The following ZNF711 variants were observed in gnomAD, a reference collection of about 807,000 sequenced individuals.
The protein encoded by ZNF711 is ZFX family zinc finger ZNF711.
In ZNF711, 3 loss-of-function variants were observed where a neutral mutation model predicts 43.5. That is an observed-to-expected ratio of 0.07 (90% CI 0.03 to 0.18). The LOEUF (loss-of-function observed/expected upper bound fraction) is 0.18. Ranked by LOEUF, ZNF711 falls within the 10% of genes least tolerant of loss-of-function variation. The pLI is 1.00. For synonymous variants in ZNF711, 209 were observed against 207.7 expected, an observed-to-expected ratio of 1.01 and a Z score of -0.06; for missense variants, 412 against 604.0, an observed-to-expected ratio of 0.68 and a Z score of 3.33.
intron 5 of ZNF711, among the ~76,000 whole-genome samples, chrX:85,257,105 T>A (rs73627343): frequency 0.019 from 2,110 of 112,208 alleles, 46 homozygotes; most frequent in African/African-American, 0.065. Flanking sequence ...AAAAGTTTTT[T>A]AAAAAAGTTT....
Position 85,264,185 on chromosome X carries a change from A to G in ZNF711, c.623-90A>G. ...TTATTTCACGTTACACTTCAGCTTA[A>G]CACCCACTAAATAGTGGTAATTTTT... On this transcript the variant is annotated intron_variant, in intron 5 of 10. Transcript: ENST00000674551. The G allele has an allele frequency of 4.2e-6, 3 of 708,008 alleles. No individual in the cohort carries two copies. In the Admixed American group the frequency reaches 7.8e-5, roughly 18 times the overall value. 58.3% of individuals were successfully genotyped at this position (708,008 alleles called of 1,213,427 possible).
intron 5 of ZNF711, among the ~76,000 whole-genome samples, chrX:85,260,330 A>G (rs1359311867): frequency 9.0e-6 from 1 of 111,153 alleles, no homozygotes; most frequent in African/African-American, 3.3e-5. Context: ...TAAGGAACAT[A>G]ATTTTGTATA....
intron 6 of ZNF711, 31 bp downstream of exon 6, chrX:85,264,461 A>G (rs890467401): frequency 8.7e-7 from 1 of 1,148,750 alleles, no homozygotes; most frequent in African/African-American, 1.8e-5. Flanking sequence ...TTATTGCTCC[A>G]ATAGGAGTTA....
intron 4 of ZNF711, among the ~76,000 whole-genome samples, chrX:85,253,800 CAG>C (rs201313320): frequency 2.7e-4 from 30 of 109,782 alleles, no homozygotes; most frequent in African/African-American, 8.4e-4. Flanking sequence ...CACACACACA[CAG>C]ACACCCTTGG....
intron 5 of ZNF711, among the ~76,000 whole-genome samples, chrX:85,263,795 T>C (rs1480625812): frequency 9.0e-6 from 1 of 111,368 alleles, no homozygotes; most frequent in Non-Finnish European, 1.9e-5. Context: ...TATCTATTAA[T>C]TGAAATCTGT....
intron 5 of ZNF711, among the ~76,000 whole-genome samples, chrX:85,257,496 G>T (rs1378484569): frequency 8.9e-6 from 1 of 112,002 alleles, no homozygotes; most frequent in Non-Finnish European, 1.9e-5. Context: ...TACAAAGGAC[G>T]TGATTTCTTC....
chrX:85,256,626 C>T (rs1930168075), intron 5 of ZNF711, among the ~76,000 whole-genome samples: 1 of 110,604 alleles, frequency 9.0e-6, no homozygotes, highest in African/African-American at 3.3e-5. Context: ...GGAAGTTTAT[C>T]ACCAGGTAGA....
In ZNF711 at chrX:85,271,354, C is replaced by T. The variant is rs1750879971; in HGVS notation, c.1950C>T (p.Asp650=). 3 of 1,208,489 alleles carry T rather than the reference C, an allele frequency of 2.5e-6. No homozygotes were observed. The highest frequency in any genetic ancestry group is 3.4e-6 in the Non-Finnish European group (3 of 894,484). The change falls in exon 11 of 11, where the codon GAC becomes GAT. Residue 650 remains aspartate (D), a synonymous_variant. Coordinates refer to ENST00000674551, the MANE Select transcript of ZNF711 (RefSeq NM_001330574.2). ...HCDHKSTNSS[D]LKRHIISVHT... ...ACCATAAGAGCACCAATTCAAGTGA[C>T]CTTAAGCGGCACATCATATCTGTCC... is the stretch of plus-strand genomic sequence containing the variant.
At chrX:85,269,374 CTTTT>C (rs1381089442) in intron 9 of ZNF711, among the ~76,000 whole-genome samples, 1 of 97,784 alleles carries the variant, frequency 1.0e-5, no homozygotes, top group Non-Finnish European at 2.0e-5. Context: ...TTCTTTCTTT[CTTTT>C]TTCTTTTTTT....
chrX:85,258,632 G>GT (rs1930383959), intron 5 of ZNF711, among the ~76,000 whole-genome samples: 1 of 110,462 alleles, frequency 9.1e-6, no homozygotes, highest in South Asian at 3.9e-4. Flanking sequence ...TGTCTCTGTG[G>GT]TTTTGATTTG....
At chrX:85,252,243 CAT>C (rs1284868884) in intron 4 of ZNF711, among the ~76,000 whole-genome samples, 2 of 111,799 alleles carry the variant, frequency 1.8e-5, no homozygotes, top group East Asian at 2.8e-4. Context: ...GATAAACAAA[CAT>C]ATTTGGATTT....
chrX:85,266,468 T>C (rs945765990), intron 7 of ZNF711, among the ~76,000 whole-genome samples: 1 of 111,060 alleles, frequency 9.0e-6, no homozygotes, highest in African/African-American at 3.3e-5. Context: ...TTTTGGTTAA[T>C]AGAGAGAAGA....
intron 7 of ZNF711, 35 bp downstream of exon 7, chrX:85,265,290 TA>T: frequency 2.5e-6 from 3 of 1,189,194 alleles, no homozygotes; most frequent in Non-Finnish European, 3.4e-6. Flanking sequence ...GACTTATCAG[TA>T]GCCATCATGC....
At chrX:85,257,312 G>A (rs1218002751) in intron 5 of ZNF711, among the ~76,000 whole-genome samples, 1 of 110,263 alleles carries the variant, frequency 9.1e-6, no homozygotes, top group Non-Finnish European at 1.9e-5. Context: ...TTTGGTCCTC[G>A]CCCCACTCCC....
chrX:85,255,933 T>A, intron 5 of ZNF711, 132 bp downstream of exon 5: 1 of 603,814 alleles, frequency 1.7e-6, no homozygotes, highest in South Asian at 3.4e-5. Flanking sequence ...TTTGAAGCAG[T>A]GTCATTAAGA....
intron 5 of ZNF711, among the ~76,000 whole-genome samples, chrX:85,262,261 A>G (rs937509345): frequency 6.3e-5 from 7 of 111,176 alleles, no homozygotes; most frequent in African/African-American, 2.3e-4. Flanking sequence ...GGTGAAAAAA[A>G]TGTGACTTTC....
intron 4 of ZNF711, among the ~76,000 whole-genome samples, chrX:85,250,258 C>G (rs140029234): frequency 2.7e-5 from 3 of 111,320 alleles, no homozygotes; most frequent in African/African-American, 9.8e-5. Context: ...ATAGCAGAGC[C>G]TCTTGGAATT....
intron 4 of ZNF711, among the ~76,000 whole-genome samples, chrX:85,248,936 G>C (rs1277443969): frequency 8.9e-6 from 1 of 112,059 alleles, no homozygotes; most frequent in Non-Finnish European, 1.9e-5. Flanking sequence ...TTAACTAGCT[G>C]TGTAAACTTG....
At chrX:85,254,815 A>AG (rs1929969182) in intron 4 of ZNF711, among the ~76,000 whole-genome samples, 1 of 102,635 alleles carries the variant, frequency 9.7e-6, no homozygotes, top group African/African-American at 4.0e-5. Context: ...AAAAAAAAAA[A>AG]AAAAGAAAAA....
Sources: allele counts gnomAD v4.1 joint callset (sites outside exome capture counted in the v4.1 genomes callset), GRCh38; gene constraint gnomAD v4.1.1; transcripts MANE v1.5; gene names NCBI Gene and HGNC (gene_info 2026-07-23, HGNC 2026-07-21).